DIS3L2: variants seen among roughly 807,000 people sequenced by gnomAD.
DIS3L2 encodes DIS3-like exonuclease 2.
In DIS3L2, 34 loss-of-function variants were observed where a neutral mutation model predicts 97.5. The observed-to-expected ratio is 0.35, with a 90% CI of 0.27 to 0.46. The LOEUF (loss-of-function observed/expected upper bound fraction) is 0.46, where lower values mean the gene tolerates loss of function less well. DIS3L2 is among the 20% of genes least tolerant of loss of function. The pLI is 1.00. For synonymous variants in DIS3L2, 435 were observed against 445.2 expected, an observed-to-expected ratio of 0.98 and a Z score of 0.29; for missense variants, 1,038 against 1,146.0, an observed-to-expected ratio of 0.91 and a Z score of 1.36.
chr2:232,213,345 G>T (rs1477738662), intron 10 of DIS3L2, among the ~76,000 whole-genome samples: 3 of 152,124 alleles, frequency 2.0e-5, no homozygotes, highest in African/African-American at 7.2e-5. Flanking sequence ...TTGCATTCCT[G>T]AGGAGCAGTT....
At chr2:232,226,738 G>A (rs1010951875) in intron 10 of DIS3L2, among the ~76,000 whole-genome samples, 1 of 152,184 alleles carries the variant, frequency 6.6e-6, no homozygotes, top group East Asian at 1.9e-4. Context: ...TTGGGAGGCC[G>A]AGGTGGGAGG....
chr2:232,335,733 A>G, intron 19 of DIS3L2, 40 bp from the exon 20 acceptor site: 1 of 1,543,198 alleles, frequency 6.5e-7, no homozygotes, highest in Non-Finnish European at 8.8e-7. Flanking sequence ...AGGCAGCAGC[A>G]TCCAGAGCTG....
intron 10 of DIS3L2, among the ~76,000 whole-genome samples, chr2:232,218,041 A>G (rs1240220649): frequency 6.6e-6 from 1 of 152,128 alleles, no homozygotes; most frequent in Non-Finnish European, 1.5e-5. Context: ...AAGTCTTCCA[A>G]CCCACAATCA....
chr2:232,187,938 ACCAGCCTGGCC>A (rs1466186888), intron 9 of DIS3L2, among the ~76,000 whole-genome samples: 1 of 151,596 alleles, frequency 6.6e-6, no homozygotes, highest in Non-Finnish European at 1.5e-5. Context: ...GGAGTTGGAG[ACCAGCCTGGCC>A]AACATGGTGA....
In DIS3L2 at chr2:232,054,946, G is replaced by A. The variant is rs114842604; in HGVS notation, c.366+24866G>A. Among the ~76,000 whole-genome samples the A allele has an allele frequency of 9.7e-3, 1,482 of 152,228 alleles. 12 individuals carry two copies. Among genetic ancestry groups the A allele is most frequent in the South Asian group, 0.016 (75 of 4,822 alleles). ...TTTATTCCACTAATGTAAGATTGGA[G>A]GATTACTATTCAAAACTCAAATAAG... On this transcript the variant is annotated intron_variant, in intron 5 of 20. Coordinates refer to ENST00000325385, the MANE Select transcript of DIS3L2 (RefSeq NM_152383.5).
At chr2:232,053,090 A>G (rs935426626) in intron 5 of DIS3L2, among the ~76,000 whole-genome samples, 10 of 152,236 alleles carry the variant, frequency 6.6e-5, no homozygotes, top group Non-Finnish European at 1.2e-4. Context: ...TTATTTCTAA[A>G]TAGACCAGAG....
At chr2:232,086,634 T>TATATATGTGTATATATATATATATAC (rs1559613405) in intron 5 of DIS3L2, among the ~76,000 whole-genome samples, 11 of 63,786 alleles carry the variant, frequency 1.7e-4, no homozygotes, top group East Asian at 1.2e-3. Flanking sequence ...TATATACACA[T>TATATATGTGTATATATATATATATAC]ATATATATAT....
At chr2:232,173,265 G>T (rs924980295) in intron 9 of DIS3L2, among the ~76,000 whole-genome samples, 1 of 152,096 alleles carries the variant, frequency 6.6e-6, no homozygotes, top group Admixed American at 6.6e-5. Flanking sequence ...TTGAGATGGC[G>T]TCTCTGTTAT....
chr2:232,140,131 T>C (rs545018903), intron 8 of DIS3L2, among the ~76,000 whole-genome samples: 1 of 152,292 alleles, frequency 6.6e-6, no homozygotes, highest in African/African-American at 2.4e-5. Context: ...CTTTTGCACA[T>C]TACACTTCCT....
At chr2:232,047,125 G>A (rs574232732) in intron 5 of DIS3L2, among the ~76,000 whole-genome samples, 5 of 152,294 alleles carry the variant, frequency 3.3e-5, no homozygotes, top group Admixed American at 1.3e-4. Flanking sequence ...ATGTTTTGAA[G>A]TCTTTTTGAC....
At chr2:232,145,184 C>T (rs947199904) in intron 8 of DIS3L2, among the ~76,000 whole-genome samples, 8 of 152,110 alleles carry the variant, frequency 5.3e-5, no homozygotes, top group Non-Finnish European at 1.2e-4. Flanking sequence ...GTTAAAAATA[C>T]ATATTCCAGA....
At chr2:232,131,064 G>A (rs1193337477) in intron 7 of DIS3L2, 1 of 217,728 alleles carries the variant, frequency 4.6e-6, no homozygotes, top group African/African-American at 2.3e-5. Flanking sequence ...TATGAATATA[G>A]ACTCTCTTCA....
chr2:232,011,840 C>T (rs1471623183), intron 1 of DIS3L2, among the ~76,000 whole-genome samples: 1 of 148,780 alleles, frequency 6.7e-6, no homozygotes, highest in Non-Finnish European at 1.5e-5. Context: ...TAGTAGACAC[C>T]GGGTTTCGCC....
At position 232,020,632 on chromosome 2, in the gene DIS3L2, C is replaced by G. The variant is rs572745166; in HGVS notation, c.211-3645C>G. Reference sequence around the variant, plus strand: ...TGAGTGAACAGGCCCTGGTGGTGACCGTGGCAAACAGAGAGAGAGGCTGTT... The same window carrying G: ...TGAGTGAACAGGCCCTGGTGGTGACGGTGGCAAACAGAGAGAGAGGCTGTT... On this transcript the variant is annotated intron_variant, in intron 3 of 20. Transcript: ENST00000325385. 1.4e-4 allele frequency among the ~76,000 whole-genome samples: 22 copies of G among 152,146 alleles called. No homozygotes were observed. The South Asian group carries it at 1.5e-3, about 10-fold the overall frequency.
chr2:232,333,723 G>A (rs1695841438), intron 16 of DIS3L2, 117 bp from the exon 17 acceptor site: 1 of 1,404,130 alleles, frequency 7.1e-7, no homozygotes, highest in Non-Finnish European at 9.4e-7. Context: ...GCAACCAGCA[G>A]CCCATTAGGT....
intron 13 of DIS3L2, among the ~76,000 whole-genome samples, chr2:232,297,625 T>C (rs892952608): frequency 3.3e-5 from 5 of 151,650 alleles, no homozygotes; most frequent in Non-Finnish European, 7.4e-5. Flanking sequence ...ATTTGGAAAA[T>C]GCAAAGAAAG....
intron 1 of DIS3L2, among the ~76,000 whole-genome samples, chr2:231,969,742 A>G (rs1692838914): frequency 6.6e-6 from 1 of 152,136 alleles, no homozygotes; most frequent in African/African-American, 2.4e-5. Flanking sequence ...TCCCCAAGTA[A>G]CAATGTTAAA....
chr2:232,174,712 G>A (rs1438642190), intron 9 of DIS3L2, among the ~76,000 whole-genome samples: 1 of 151,826 alleles, frequency 6.6e-6, no homozygotes, highest in Non-Finnish European at 1.5e-5. Flanking sequence ...TAATTTAGAT[G>A]CCTTTTATTT....
intron 13 of DIS3L2, among the ~76,000 whole-genome samples, chr2:232,277,987 G>A (rs568941206): frequency 2.5e-3 from 316 of 128,256 alleles, no homozygotes; most frequent in Non-Finnish European, 3.9e-3. Flanking sequence ...GGGGCCCATC[G>A]TTGGCCAAAA....
Sources: allele counts gnomAD v4.1 joint callset (sites outside exome capture counted in the v4.1 genomes callset), GRCh38; gene constraint gnomAD v4.1.1; transcripts MANE v1.5; gene names NCBI Gene and HGNC (gene_info 2026-07-23, HGNC 2026-07-21).